NLRP9: variants seen among roughly 807,000 people sequenced by gnomAD.
NLRP9 encodes the protein NLR family pyrin domain containing 9.
NLRP9 carries 88 observed loss-of-function variants against 83.1 expected under a neutral mutation model. The ratio of observed to expected loss-of-function variants is 1.06; its 90% CI spans 0.89 to 1.26. The LOEUF (loss-of-function observed/expected upper bound fraction) is 1.26, where lower values mean the gene tolerates loss of function less well. NLRP9 is among the 50% of genes most tolerant of loss of function. The pLI is 0.00. For missense variants in NLRP9, 1,308 were observed against 1,179.3 expected (o/e 1.11, Z -1.60); for synonymous variants, 521 against 447.6 (o/e 1.16, Z -2.07).
Position 55,738,200 on chromosome 19 carries a change from G to A in NLRP9, c.175C>T (p.Leu59=), listed in dbSNP as rs1420819891. ...KASKEDVAKL[L]DKHYPGKQAW... The stretch of plus-strand genomic sequence containing the variant: ...TGCTTTCCTGGGTAATGTTTGTCCA[G>A]CAGCTTTGCTACATCTTCTTTGGAG... Residue 59 remains leucine, a synonymous_variant, in exon 1 of 9, where the codon CTG becomes TTG. Coordinates refer to ENST00000332836, the MANE Select transcript of NLRP9 (RefSeq NM_176820.4). 7.4e-6 allele frequency: 12 copies of A among 1,614,094 alleles called. No homozygotes were observed. The highest frequency in any genetic ancestry group is 9.3e-6 in the Non-Finnish European group (11 of 1,180,008).
Position 55,732,890 on chromosome 19 carries a change from T to G in NLRP9, c.941A>C (p.Lys314Thr), listed in dbSNP as rs1366594941. Residue 314 changes from lysine (K) to threonine (T), a missense_variant, in exon 2 of 9, where the codon AAG (lysine) becomes ACG (threonine). Transcript: ENST00000332836. ...ATTGAAGACTTTCAGGGCTTTGCTC[T>G]TCTCACCAAAGAAGTAGGAGAAATA... Reference protein sequence around the residue: ...KSYFSYFFGEKSKALKVFNFV... With the variant: ...KSYFSYFFGETSKALKVFNFV... The G allele has an allele frequency of 1.2e-6, 2 of 1,613,960 alleles. No homozygotes were observed. Among genetic ancestry groups the G allele is most frequent in the Admixed American group, 3.3e-5 (2 of 59,960 alleles).
intron 3 of NLRP9, among the ~76,000 whole-genome samples, chr19:55,724,632 A>G (rs1694523257): frequency 6.6e-6 from 1 of 152,126 alleles, no homozygotes. Context: ...TGTAGTGTCA[A>G]AAAACTCAGG....
chr19:55,733,669 C>A lies in NLRP9; in HGVS notation c.281-119G>T, dbSNP rs1988678928. ...TCGCCAGCCATCTGAAGCCAGGGTGCTTTTAAAATTTAACCTGAGAGACTG... is the reference window on the plus strand; with the variant it reads ...TCGCCAGCCATCTGAAGCCAGGGTGATTTTAAAATTTAACCTGAGAGACTG... On this transcript the variant is annotated intron_variant, in intron 1 of 8. Coordinates refer to ENST00000332836, the MANE Select transcript of NLRP9 (RefSeq NM_176820.4). 3 of 658,646 alleles carry A rather than the reference C, an allele frequency of 4.6e-6. No individual in the cohort carries two copies. The Admixed American group carries it at 9.8e-5, about 22-fold the overall frequency. The allele number at this position is 658,646 out of a possible 1,614,324, so 40.8% of individuals were successfully genotyped here.
chr19:55,712,513 G>A lies in NLRP9; in HGVS notation c.2579C>T (p.Thr860Ile), dbSNP rs1385724661. 1 of 1,612,562 alleles carries A rather than the reference G, an allele frequency of 6.2e-7. No individual in the cohort carries two copies. Among genetic ancestry groups the A allele is most frequent in the Non-Finnish European group, 8.5e-7 (1 of 1,179,754 alleles). The change falls in exon 7 of 9, where the codon ACC (threonine) becomes ATC (isoleucine). Residue 860 changes from threonine (T) to isoleucine (I), a missense_variant. Thr to Ile is a moderately conservative substitution (Grantham distance 89, BLOSUM62 -1). Transcript: ENST00000332836. ...TATTTCATTATGCCCAAGTTTCAGG[G>A]TCTTCAGTTTCCCATTGCAAATAAG... ...AVLICNGKLK[T>I]LKLGHNEIGD...
intron 3 of NLRP9, among the ~76,000 whole-genome samples, chr19:55,724,523 T>C (rs539987533): frequency 6.6e-6 from 1 of 152,276 alleles, no homozygotes; most frequent in South Asian, 2.1e-4. Flanking sequence ...CACACATATC[T>C]GAATTAATGC....
intron 1 of NLRP9, 47 bp downstream of exon 1, chr19:55,738,048 T>C (rs1441925074): frequency 6.3e-7 from 1 of 1,583,674 alleles, no homozygotes; most frequent in Non-Finnish European, 8.7e-7. Context: ...TATCACCTTG[T>C]TCCCAGGCTT....
chr19:55,717,754 C>T (rs1256242924), intron 4 of NLRP9, among the ~76,000 whole-genome samples: 1 of 152,178 alleles, frequency 6.6e-6, no homozygotes. Context: ...CCTGACACTT[C>T]CCAGAGGAGC....
At chr19:55,736,569 C>T (rs1988790482) in intron 1 of NLRP9, among the ~76,000 whole-genome samples, 1 of 152,004 alleles carries the variant, frequency 6.6e-6, no homozygotes, top group South Asian at 2.1e-4. Context: ...AAAACTGGCA[C>T]ACACCTGTAA....
intron 1 of NLRP9, 105 bp from the exon 2 acceptor site, chr19:55,733,655 C>T: frequency 1.4e-6 from 1 of 711,724 alleles, no homozygotes. Flanking sequence ...CGCCAGCCAT[C>T]TGAAGCCAGG....
intron 1 of NLRP9, 24 bp downstream of exon 1, chr19:55,738,071 C>T (rs375522830): frequency 6.2e-7 from 1 of 1,611,434 alleles, no homozygotes; most frequent in African/African-American, 1.3e-5. Flanking sequence ...CCCATGGGTC[C>T]TCGCCCCATC....
Position 55,729,851 on chromosome 19 carries a change from A to C in NLRP9, c.1974T>G (p.Val658=), listed in dbSNP as rs1988518400. 6.2e-7 allele frequency: 1 copy of C among 1,612,610 alleles called. No homozygotes were observed. Among genetic ancestry groups the C allele is most frequent in the Non-Finnish European group, 8.5e-7 (1 of 1,179,474 alleles). The change falls in exon 3 of 9, where the codon GTT becomes GTG. Residue 658 remains valine (V), a synonymous_variant. Transcript: ENST00000332836. The part of the protein sequence containing the change: ...AILCKALAQP[V]CKLRKLIFTS... ...CTTACATGAGTTTTCGGAGTTTACA[A>C]ACAGGCTGAGCCAGCGCTTTGCAAA... is the stretch of plus-strand genomic sequence containing the variant.
At chr19:55,728,568 G>A (rs942009958) in intron 3 of NLRP9, among the ~76,000 whole-genome samples, 22 of 152,192 alleles carry the variant, frequency 1.4e-4, no homozygotes, top group African/African-American at 4.6e-4. Context: ...GCGAAACTCC[G>A]TCTCAAAGCA....
At chr19:55,729,670 A>G (rs918091082) in intron 3 of NLRP9, among the ~76,000 whole-genome samples, 161 bp downstream of exon 3, 2 of 152,096 alleles carry the variant, frequency 1.3e-5, no homozygotes, top group African/African-American at 2.4e-5. Context: ...AGTCTTTGCT[A>G]TTGTGAATAG....
intron 3 of NLRP9, 33 bp from the exon 4 acceptor site, chr19:55,724,177 C>A (rs1988329496): frequency 3.4e-6 from 5 of 1,486,076 alleles, no homozygotes; most frequent in Middle Eastern, 3.5e-4. Flanking sequence ...TAGCATCATG[C>A]AATGAGATCC....
intron 1 of NLRP9, among the ~76,000 whole-genome samples, chr19:55,736,861 A>AC (rs1387202792): frequency 1.3e-5 from 2 of 151,480 alleles, no homozygotes; most frequent in Non-Finnish European, 2.9e-5. Context: ...ACAAAAAAAA[A>AC]AACAAAAAAC....
intron 4 of NLRP9, among the ~76,000 whole-genome samples, chr19:55,721,439 T>C (rs1318673520): frequency 6.6e-6 from 1 of 152,176 alleles, no homozygotes; most frequent in Non-Finnish European, 1.5e-5. Context: ...GATGTTTTTT[T>C]CCTAGTACAA....
At chr19:55,721,191 G>T (rs1259638176) in intron 4 of NLRP9, among the ~76,000 whole-genome samples, 1 of 152,148 alleles carries the variant, frequency 6.6e-6, no homozygotes, top group East Asian at 1.9e-4. Flanking sequence ...ATGCACTATT[G>T]TTATGTAAGA....
chr19:55,733,421 T>C lies in NLRP9; in HGVS notation c.410A>G (p.Asp137Gly), dbSNP rs1215074635. The C allele has an allele frequency of 6.2e-7, 1 of 1,614,034 alleles. No homozygotes were observed. The highest frequency in any genetic ancestry group is 2.2e-5 in the East Asian group (1 of 44,888). ...TMKNEYKELN[D>G]AYTAAARRHT... ...TCGTCTAGCCGCAGCAGTATATGCG[T>C]CATTCAATTCTTTATACTCATTTTT... Residue 137 changes from aspartate to glycine, a missense_variant, in exon 2 of 9, where the codon GAC (aspartate) becomes GGC (glycine). Asp to Gly is a moderately conservative substitution (Grantham distance 94). Transcript: ENST00000332836.
At position 55,733,540 on chromosome 19, in the gene NLRP9, G is replaced by C; in HGVS notation, c.291C>G (p.Asn97Lys). The C allele has an allele frequency of 6.4e-7, 1 of 1,569,860 alleles. No individual in the cohort carries two copies. Among genetic ancestry groups the C allele is most frequent in the African/African-American group, 1.4e-5 (1 of 73,460 alleles). The change falls in exon 2 of 9, where the codon AAC (asparagine) becomes AAG (lysine). Residue 97 changes from asparagine (N) to lysine (K), a missense_variant. Coordinates refer to ENST00000332836, the MANE Select transcript of NLRP9 (RefSeq NM_176820.4). The stretch of plus-strand genomic sequence containing the variant: ...TTTCCTTCATATGCTTTCTGTATGG[G>C]TTTAGCTTATCTGTGTTAATGAGAA... ...KAQEEMRNKLNPYRKHMKETF... is the reference protein window; with the variant it reads ...KAQEEMRNKLKPYRKHMKETF...
Sources: allele counts gnomAD v4.1 joint callset (sites outside exome capture counted in the v4.1 genomes callset), GRCh38; gene constraint gnomAD v4.1.1; transcripts MANE v1.5; gene names NCBI Gene and HGNC (gene_info 2026-07-23, HGNC 2026-07-21).